Variants in ZNF106 observed in about 807,000 individuals in gnomAD.
ZNF106 encodes the protein SH3-domain binding protein 3.
Under a neutral mutation model 195.1 loss-of-function variants are expected in ZNF106, and 67 were observed. The observed-to-expected ratio is 0.34, with a 90% CI of 0.28 to 0.42. The LOEUF is 0.42. Among genes scored for constraint, ZNF106 ranks in the 10% least tolerant of loss-of-function variants. The pLI, the probability that ZNF106 is intolerant of heterozygous loss-of-function variation, is 1.00. For synonymous variants in ZNF106, 784 were observed against 818.6 expected (o/e 0.96, Z 0.72); for missense variants, 2,118 against 2,304.5 (o/e 0.92, Z 1.66).
chr15:42,438,555 A>G, intron 12 of ZNF106, 57 bp downstream of exon 12: 1 of 1,485,224 alleles, frequency 6.7e-7, no homozygotes, highest in Non-Finnish European at 9.3e-7. Context: ...CCTGGCTTTA[A>G]TATTTACAAG....
chr15:42,471,864 A>G (rs943560722), intron 2 of ZNF106, among the ~76,000 whole-genome samples: 4 of 152,248 alleles, frequency 2.6e-5, no homozygotes, highest in African/African-American at 4.8e-5. Context: ...AATAGATGCT[A>G]TATCCTTAGC....
In ZNF106 at chr15:42,435,560, A is replaced by G. The variant is rs182613265; in HGVS notation, c.4747-42T>C. 14 of 1,610,846 alleles carry G rather than the reference A, an allele frequency of 8.7e-6. No individual in the cohort carries two copies. In the African/African-American group the frequency reaches 1.7e-4, roughly 20 times the overall value. On this transcript the variant is annotated intron_variant, in intron 13 of 21. Coordinates refer to ENST00000564754, the MANE Select transcript of ZNF106 (RefSeq NM_001366845.3). ...GACCAGATTATTACTTATGAGATAT[A>G]GGAGGATTAGATAATATATTTCCTC...
chr15:42,456,471 A>G (rs1302223538), intron 4 of ZNF106, among the ~76,000 whole-genome samples: 1 of 152,142 alleles, frequency 6.6e-6, no homozygotes, highest in African/African-American at 2.4e-5. Context: ...TAATGGGGTT[A>G]AACCTCGTCT....
At chr15:42,466,852 C>T (rs1219555259) in intron 2 of ZNF106, among the ~76,000 whole-genome samples, 7 of 152,094 alleles carry the variant, frequency 4.6e-5, no homozygotes, top group Non-Finnish European at 8.8e-5. Flanking sequence ...AACATGCACA[C>T]GGCTGGGCGT....
chr15:42,431,921 T>G (rs2141289877), intron 14 of ZNF106, among the ~76,000 whole-genome samples: 1 of 152,342 alleles, frequency 6.6e-6, no homozygotes, highest in Non-Finnish European at 1.5e-5. Context: ...GCCAGTGTTG[T>G]ACAGTTCTTG....
chr15:42,469,945 T>C (rs1214074761), intron 2 of ZNF106, among the ~76,000 whole-genome samples: 1 of 152,098 alleles, frequency 6.6e-6, no homozygotes, highest in African/African-American at 2.4e-5. Flanking sequence ...AATGCATTCC[T>C]TCTCATGTAT....
chr15:42,425,003 A>C lies in ZNF106; in HGVS notation c.5021T>G (p.Phe1674Cys). 1 of 1,614,140 alleles carries C rather than the reference A, an allele frequency of 6.2e-7. No homozygotes were observed. The highest frequency in any genetic ancestry group is 8.5e-7 in the Non-Finnish European group (1 of 1,180,022). The stretch of plus-strand genomic sequence containing the variant: ...GACTGCCCGAGGGCCATGGCATTCA[A>C]AGATCTCAAGTCGTTTGTTGTTCTG... ...NIKNNKRLEI[F>C]ECHGPRAVSC... The change falls in exon 16 of 22, where the codon TTT (phenylalanine) becomes TGT (cysteine). Residue 1674 changes from phenylalanine to cysteine, a missense_variant. Physicochemically the swap from Phe to Cys is radical, Grantham distance 205. Coordinates refer to ENST00000564754, the MANE Select transcript of ZNF106 (RefSeq NM_001366845.3).
At chr15:42,420,946 TA>T in intron 20 of ZNF106, 114 bp downstream of exon 20, 1 of 950,222 alleles carries the variant, frequency 1.1e-6, no homozygotes. Flanking sequence ...GTGTAAGGCA[TA>T]AAGTAGATGC....
rs759669145 is a variant in ZNF106 at position 42,450,582 on chromosome 15, C to T, written c.1690G>A (p.Val564Met). The change falls in exon 5 of 22, where the codon GTG becomes ATG. Residue 564 changes from valine to methionine, a missense_variant. Val to Met is a conservative substitution (Grantham distance 21, BLOSUM62 1). Coordinates refer to ENST00000564754, the MANE Select transcript of ZNF106 (RefSeq NM_001366845.3). ...TGCAATGACTCATGACACTGTAGCA[C>T]CTCTTTGGCCTTTCGTAAAGTATCA... Reference protein sequence around the residue: ...LNDTLRKAKEVLQCHESLQNP... With the variant: ...LNDTLRKAKEMLQCHESLQNP... 1 of 1,614,132 alleles carries T rather than the reference C, an allele frequency of 6.2e-7. No individual in the cohort carries two copies. The highest frequency in any genetic ancestry group is 2.2e-5 in the East Asian group (1 of 44,884).
chr15:42,444,575 A>ACCCCTTTCTTGCTGT (rs58225362), intron 8 of ZNF106, among the ~76,000 whole-genome samples: 54,689 of 152,014 alleles, frequency 0.36, 12,076 homozygotes, highest in African/African-American at 0.62. Flanking sequence ...TAGGGAGAAC[A>ACCCCTTTCTTGCTGT]CCCTTGTGGG....
At chr15:42,485,960 CT>C (rs34242148) in intron 1 of ZNF106, among the ~76,000 whole-genome samples, 171 of 137,402 alleles carry the variant, frequency 1.2e-3, no homozygotes, top group Admixed American at 2.0e-3. Context: ...ATTACTCTTT[CT>C]TTTTTTTTTT....
intron 3 of ZNF106, among the ~76,000 whole-genome samples, chr15:42,463,637 G>C (rs2056446300): frequency 6.6e-6 from 1 of 151,892 alleles, no homozygotes. Context: ...AAAAATAAAA[G>C]CCAAAAATAA....
rs916430899 is a variant in ZNF106 at position 42,451,446 on chromosome 15, T to C, written c.826A>G (p.Asn276Asp). 4.3e-6 allele frequency: 7 copies of C among 1,614,112 alleles called. No homozygotes were observed. The highest frequency in any genetic ancestry group is 1.7e-5 in the Admixed American group (1 of 60,008). ...ATAGTCATGTCTTCCATTTGACAGT[T>C]AGAATTTCTGTTTCTGCCTGGTTGA... is the stretch of plus-strand genomic sequence containing the variant. ...KFQPGRNRNS[N>D]CQMEDMTMLW... Residue 276 changes from asparagine to aspartate, a missense_variant, in exon 5 of 22, where the codon AAC becomes GAC. Asn to Asp is a conservative substitution (Grantham distance 23). Transcript: ENST00000564754.
Position 42,448,224 on chromosome 15 carries a change from C to T in ZNF106, c.2983G>A (p.Glu995Lys). The change falls in exon 6 of 22, where the codon GAG becomes AAG. Residue 995 changes from glutamate to lysine, a missense_variant. Coordinates refer to ENST00000564754, the MANE Select transcript of ZNF106 (RefSeq NM_001366845.3). Reference sequence around the variant, plus strand: ...AGACAGTTTCCCTCTCCATTACTCTCCTGGGAATTCTGATTCTCTGACGGT... The same window carrying T: ...AGACAGTTTCCCTCTCCATTACTCTTCTGGGAATTCTGATTCTCTGACGGT... ...IPPSENQNSQ[E>K]SNGEGNCLSS... is the part of the protein sequence containing the mutation. 1.2e-6 allele frequency: 2 copies of T among 1,614,188 alleles called. No individual in the cohort carries two copies. Among genetic ancestry groups the T allele is most frequent in the African/African-American group, 1.3e-5 (1 of 75,048 alleles).
At position 42,424,042 on chromosome 15, in the gene ZNF106, A is replaced by G; in HGVS notation, c.5209T>C (p.Phe1737Leu). The part of the protein sequence containing the change: ...LCMKVVNDLV[F>L]SGSSDQSVHA... ...ACTGACTGATCACTGGAGCCACTGA[A>G]CACGAGATCATTCACCACCTTAAAG... Residue 1737 changes from phenylalanine (F) to leucine (L), a missense_variant, in exon 17 of 22, where the codon TTC becomes CTC. Coordinates refer to ENST00000564754, the MANE Select transcript of ZNF106 (RefSeq NM_001366845.3). 1 of 1,613,376 alleles carries G rather than the reference A, an allele frequency of 6.2e-7. No individual in the cohort carries two copies. The highest frequency in any genetic ancestry group is 8.5e-7 in the Non-Finnish European group (1 of 1,179,810).
intron 14 of ZNF106, among the ~76,000 whole-genome samples, chr15:42,429,197 T>C (rs1237173706): frequency 2.0e-5 from 3 of 151,252 alleles, no homozygotes; most frequent in Non-Finnish European, 4.4e-5. Flanking sequence ...ATCCTACACG[T>C]TGGGAAGCCG....
At chr15:42,457,683 A>G in intron 3 of ZNF106, 1 of 343,112 alleles carries the variant, frequency 2.9e-6, no homozygotes, top group South Asian at 1.1e-4. Context: ...GAATGTGAGG[A>G]TTCCGGACCC....
intron 4 of ZNF106, among the ~76,000 whole-genome samples, chr15:42,456,108 G>C (rs978190546): frequency 6.6e-6 from 1 of 152,102 alleles, no homozygotes; most frequent in Non-Finnish European, 1.5e-5. Context: ...GGTAGTCACT[G>C]GGGATTCAAA....
At chr15:42,453,007 T>C (rs564262599) in intron 4 of ZNF106, among the ~76,000 whole-genome samples, 83 of 152,264 alleles carry the variant, frequency 5.5e-4, no homozygotes, top group African/African-American at 1.9e-3. Context: ...TTATCATATT[T>C]AGTACAATTT....
Sources: gnomAD v4.1 joint callset for allele counts (sites outside exome capture counted in the v4.1 genomes callset) on GRCh38, gnomAD v4.1.1 for gene constraint, MANE v1.5 for transcripts, NCBI Gene and HGNC (gene_info 2026-07-23, HGNC 2026-07-21) for gene names.